TMEM108: variants seen among roughly 807,000 people sequenced by gnomAD.
TMEM108 encodes cancer/testis antigen 124.
A neutral mutation model predicts 35.1 loss-of-function variants in TMEM108; 12 were observed. The observed-to-expected ratio is 0.34, with a 90% CI of 0.22 to 0.55. TMEM108 has a LOEUF of 0.55. Among genes scored for constraint, TMEM108 ranks in the 20% least tolerant of loss-of-function variants. The pLI is 0.89. For missense variants in TMEM108, 680 were observed against 753.3 expected (o/e 0.90, Z 1.14); for synonymous variants, 287 against 308.6 (o/e 0.93, Z 0.73).
chr3:133,255,751 G>A (rs996103077), intron 3 of TMEM108, among the ~76,000 whole-genome samples: 2 of 152,174 alleles, frequency 1.3e-5, no homozygotes, highest in African/African-American at 4.8e-5. Context: ...CTCTTTGGGT[G>A]GCCGAGGTGG....
intron 5 of TMEM108, among the ~76,000 whole-genome samples, chr3:133,392,697 G>A (rs1410757321): frequency 6.6e-6 from 1 of 152,084 alleles, no homozygotes; most frequent in East Asian, 1.9e-4. Context: ...TTACGTAGAT[G>A]GTACTGCCAG....
chr3:133,164,153 C>T (rs1434904731), intron 2 of TMEM108, among the ~76,000 whole-genome samples: 1 of 152,138 alleles, frequency 6.6e-6, no homozygotes, highest in Non-Finnish European at 1.5e-5. Context: ...TATGTGTCTG[C>T]CTTCACATGG....
chr3:133,138,143 G>C (rs1245251466), intron 2 of TMEM108, among the ~76,000 whole-genome samples: 1 of 152,114 alleles, frequency 6.6e-6, no homozygotes, highest in Non-Finnish European at 1.5e-5. Context: ...TTTTTAGCCA[G>C]GTTGTCACCC....
At chr3:133,218,865 GCTTGGGTATCAGGGTAAGGCTAGC>G (rs1380489271) in intron 2 of TMEM108, among the ~76,000 whole-genome samples, 1 of 151,946 alleles carries the variant, frequency 6.6e-6, no homozygotes, top group African/African-American at 2.4e-5. Flanking sequence ...TCCCTGTCTG[GCTTGGGTATCAGGGTAAGGCTAGC>G]CTTCTAAAAA....
intron 2 of TMEM108, among the ~76,000 whole-genome samples, chr3:133,181,086 C>CA (rs1945337336): frequency 7.0e-6 from 1 of 142,112 alleles, no homozygotes; most frequent in African/African-American, 2.6e-5. Flanking sequence ...GAATAAGAGA[C>CA]CTTTTCTCAA....
chr3:133,336,425 G>A (rs1576464679), intron 3 of TMEM108, among the ~76,000 whole-genome samples: 2 of 152,104 alleles, frequency 1.3e-5, no homozygotes, highest in South Asian at 4.1e-4. Flanking sequence ...GCAACAGTCA[G>A]AGTATGAGGC....
In TMEM108 at chr3:133,116,885, C is replaced by T. The variant is rs1462128174; in HGVS notation, c.-47+70865C>T. On this transcript the variant is annotated intron_variant, in intron 2 of 5. Transcript: ENST00000321871. Reference sequence around the variant, plus strand: ...CCTGGGTTCAAGCGATTCTCCTGCCCCAGCCTCCTGAGTAGCTGAGACTAC... The same window carrying T: ...CCTGGGTTCAAGCGATTCTCCTGCCTCAGCCTCCTGAGTAGCTGAGACTAC... Among the ~76,000 whole-genome samples, 7 of 152,128 alleles carry T rather than the reference C, an allele frequency of 4.6e-5. No homozygotes were observed. The East Asian group carries it at 1.4e-3, about 29-fold the overall frequency.
intron 3 of TMEM108, among the ~76,000 whole-genome samples, chr3:133,338,255 C>T (rs2071556874): frequency 6.6e-6 from 1 of 152,070 alleles, no homozygotes; most frequent in Non-Finnish European, 1.5e-5. Context: ...TACCTCAAGG[C>T]ATTTAATAAT....
intron 3 of TMEM108, among the ~76,000 whole-genome samples, chr3:133,297,282 A>T (rs1947159545): frequency 2.0e-5 from 3 of 151,738 alleles, no homozygotes; most frequent in African/African-American, 7.3e-5. Context: ...CATGTTTATT[A>T]GCAAAAATAG....
chr3:133,281,576 C>G (rs1475123546), intron 3 of TMEM108, among the ~76,000 whole-genome samples: 1 of 152,156 alleles, frequency 6.6e-6, no homozygotes, highest in Non-Finnish European at 1.5e-5. Context: ...AAGTGATGAG[C>G]AGAGGTGGTA....
Position 133,322,205 on chromosome 3 carries a change from CA to C in TMEM108, c.41-57539del, listed in dbSNP as rs952184711. Among the ~76,000 whole-genome samples the C allele has an allele frequency of 4.8e-4, 72 of 150,756 alleles. 1 individual carries two copies. The highest frequency in any genetic ancestry group is 1.6e-3 in the East Asian group (8 of 5,154). ...AGAGCAGAATTAAATAAAATTGAAACAAAAAAAATACAAAAGATAAATGAAA... is the reference window on the plus strand; with the variant it reads ...AGAGCAGAATTAAATAAAATTGAAACAAAAAAATACAAAAGATAAATGAAA... On this transcript the variant is annotated intron_variant, in intron 3 of 5. Coordinates refer to ENST00000321871, the MANE Select transcript of TMEM108 (RefSeq NM_023943.4).
At chr3:133,236,062 TATG>T (rs1439297690) in intron 3 of TMEM108, among the ~76,000 whole-genome samples, 2 of 152,152 alleles carry the variant, frequency 1.3e-5, no homozygotes, top group Non-Finnish European at 2.9e-5. Flanking sequence ...TTTATGAGAA[TATG>T]ATGTTTTTAC....
intron 3 of TMEM108, among the ~76,000 whole-genome samples, chr3:133,251,039 T>C (rs907010528): frequency 6.6e-5 from 10 of 152,184 alleles, no homozygotes; most frequent in African/African-American, 2.4e-4. Context: ...AGTTTTTGAC[T>C]CATATAGCTT....
intron 3 of TMEM108, among the ~76,000 whole-genome samples, chr3:133,313,755 A>G (rs1312963619): frequency 6.6e-6 from 1 of 152,074 alleles, no homozygotes; most frequent in East Asian, 1.9e-4. Context: ...TGCATTTAGT[A>G]AGTCCTCCGA....
At position 133,390,221 on chromosome 3, in the gene TMEM108, A is replaced by G; in HGVS notation, c.1492A>G (p.Thr498Ala). Reference sequence around the variant, plus strand: ...GTGCTGCATGAAGAGGAAGAAGAAGACCGCCAACCCGGAGAACAACCTGAG... The same window carrying G: ...GTGCTGCATGAAGAGGAAGAAGAAGGCCGCCAACCCGGAGAACAACCTGAG... ...TVCCMKRKKK[T>A]ANPENNLSYW... Residue 498 changes from threonine to alanine, a missense_variant, in exon 5 of 6, where the codon ACC (threonine) becomes GCC (alanine). Thr to Ala is a moderately conservative substitution (Grantham distance 58). This residue lies in a region of TMEM108 where 105 missense variants were observed against 150.7 expected (regional missense o/e 0.70). Coordinates refer to ENST00000321871, the MANE Select transcript of TMEM108 (RefSeq NM_023943.4). 1.9e-6 allele frequency: 3 copies of G among 1,614,160 alleles called. No homozygotes were observed. Among genetic ancestry groups the G allele is most frequent in the Non-Finnish European group, 2.5e-6 (3 of 1,180,024 alleles).
At chr3:133,299,366 G>A (rs888692355) in intron 3 of TMEM108, among the ~76,000 whole-genome samples, 5 of 152,180 alleles carry the variant, frequency 3.3e-5, no homozygotes, top group African/African-American at 1.2e-4. Context: ...GTAGACAGAA[G>A]TTTGGTTTGG....
intron 3 of TMEM108, among the ~76,000 whole-genome samples, chr3:133,229,797 A>G (rs914147375): frequency 2.6e-5 from 4 of 152,258 alleles, no homozygotes; most frequent in Non-Finnish European, 5.9e-5. Flanking sequence ...ACCTGTTGCC[A>G]TACAGCCTTT....
At chr3:133,093,031 C>T (rs138316121) in intron 2 of TMEM108, among the ~76,000 whole-genome samples, 3,514 of 151,268 alleles carry the variant, frequency 0.023, 55 homozygotes, top group Non-Finnish European at 0.033. Flanking sequence ...ACTCTGTCAC[C>T]CAGGCTTGAG....
chr3:133,107,455 G>GGGGTGT (rs1164775004), intron 2 of TMEM108, among the ~76,000 whole-genome samples: 3 of 143,502 alleles, frequency 2.1e-5, no homozygotes, highest in Non-Finnish European at 4.5e-5. Flanking sequence ...AAGTGTATGT[G>GGGGTGT]GTGTGTGTGT....
Sources: gnomAD v4.1 joint callset for allele counts (sites outside exome capture counted in the v4.1 genomes callset) on GRCh38, gnomAD v4.1.1 for gene constraint, gnomAD v4.1.1 regional missense constraint, MANE v1.5 for transcripts, NCBI Gene and HGNC (gene_info 2026-07-23, HGNC 2026-07-21) for gene names.